Variants in CEP85L observed in about 807,000 individuals in gnomAD.
CEP85L encodes centrosomal protein 85L, also known as centrosomal protein of 85 kDa-like.
Under a neutral mutation model 100.3 loss-of-function variants are expected in CEP85L, and 60 were observed. That is an observed-to-expected ratio of 0.60 (90% CI 0.49 to 0.74). CEP85L has a LOEUF of 0.74. CEP85L is among the 30% of genes least tolerant of loss of function. The probability of loss-of-function intolerance (pLI) is 0.00; values close to 1 mark genes in which losing one functional copy is unlikely to be tolerated. For missense variants in CEP85L, 973 were observed against 936.2 expected (o/e 1.04, Z -0.51); for synonymous variants, 319 against 322.7 (o/e 0.99, Z 0.12).
chr6:118,646,232 A>G, intron 1 of CEP85L, among the ~76,000 whole-genome samples: 1 of 75,856 alleles, frequency 1.3e-5, no homozygotes, highest in South Asian at 8.5e-4. Flanking sequence ...AAAGAAAAGA[A>G]AAGTAATTTG....
intron 1 of CEP85L, among the ~76,000 whole-genome samples, chr6:118,677,362 C>T (rs759513811): frequency 3.3e-5 from 5 of 152,128 alleles, no homozygotes; most frequent in Non-Finnish European, 7.4e-5. Context: ...GCTGTACAAG[C>T]AGTCCTGACA....
At chr6:118,652,276 G>A (rs572660209), upstream of CEP85L, 1 of 439,206 alleles carries the variant, frequency 2.3e-6, no homozygotes, top group Non-Finnish European at 3.0e-6. Flanking sequence ...TTTCCTCCTT[G>A]CCCCCTACTC....
intron 5 of CEP85L, among the ~76,000 whole-genome samples, chr6:118,497,971 TAAC>T (rs957138419): frequency 6.6e-6 from 1 of 152,220 alleles, no homozygotes; most frequent in Non-Finnish European, 1.5e-5. Flanking sequence ...AAATGACTGA[TAAC>T]AATGATACAA....
chr6:118,480,384 G>A lies in CEP85L; in HGVS notation c.1863+12C>T, dbSNP rs1444143066. 3.5e-6 allele frequency: 5 copies of A among 1,435,724 alleles called. No homozygotes were observed. In the African/African-American group the frequency reaches 7.0e-5, roughly 20 times the overall value. 88.9% of individuals were successfully genotyped at this position (1,435,724 alleles called of 1,614,324 possible). On this transcript the variant is annotated intron_variant, in intron 9 of 12. Coordinates refer to ENST00000368491, the MANE Select transcript of CEP85L (RefSeq NM_001042475.3). ...ATAGATTTCACGTTTATGATCTAAG[G>A]TATCTACTGACCTTACTAGCAGTCT...
intron 1 of CEP85L, among the ~76,000 whole-genome samples, chr6:118,638,869 G>A (rs954727449): frequency 1.7e-4 from 26 of 151,922 alleles, no homozygotes; most frequent in African/African-American, 5.6e-4. Context: ...TCTTTTATTG[G>A]AAGCAAAAAT....
At chr6:118,502,527 T>C (rs1775371942) in intron 5 of CEP85L, 5 of 489,548 alleles carry the variant, frequency 1.0e-5, no homozygotes, top group Non-Finnish European at 1.9e-5. Context: ...ACATTTGGAC[T>C]CTAATACTCA....
chr6:118,528,215 CT>C (rs201109993), intron 3 of CEP85L, among the ~76,000 whole-genome samples: 3,745 of 142,836 alleles, frequency 0.026, 133 homozygotes, highest in African/African-American at 0.083. Flanking sequence ...TTTTCTTTTT[CT>C]TTTTTTTTTT....
intron 2 of CEP85L, among the ~76,000 whole-genome samples, chr6:118,602,445 T>C (rs887215215): frequency 2.6e-5 from 4 of 152,196 alleles, no homozygotes; most frequent in Admixed American, 1.3e-4. Flanking sequence ...TGCTAGCTGA[T>C]TGCAATGTGC....
chr6:118,501,859 CT>C, intron 5 of CEP85L: 1 of 1,299,150 alleles, frequency 7.7e-7, no homozygotes, highest in Non-Finnish European at 1.1e-6. Context: ...AAGCACAAGC[CT>C]TCAAGAGTCC....
chr6:118,567,247 GTGTATATATA>G (rs1275432147), intron 2 of CEP85L, among the ~76,000 whole-genome samples: 2 of 31,922 alleles, frequency 6.3e-5, no homozygotes, highest in Non-Finnish European at 1.2e-4. Context: ...GTGTGTGTGT[GTGTATATATA>G]TATATATATA....
chr6:118,668,887 T>G (rs988229651), intron 1 of CEP85L, among the ~76,000 whole-genome samples: 1 of 152,212 alleles, frequency 6.6e-6, no homozygotes, highest in African/African-American at 2.4e-5. Context: ...GTCAGATCAT[T>G]TATTCTCAGA....
At chr6:118,673,398 T>C (rs1046735184) in intron 1 of CEP85L, among the ~76,000 whole-genome samples, 1 of 152,170 alleles carries the variant, frequency 6.6e-6, no homozygotes, top group Middle Eastern at 3.2e-3. Context: ...TACAGGCAAA[T>C]GTGCCATATA....
At chr6:118,494,854 A>C (rs561807486) in intron 5 of CEP85L, among the ~76,000 whole-genome samples, 2 of 152,218 alleles carry the variant, frequency 1.3e-5, no homozygotes, top group Non-Finnish European at 2.9e-5. Context: ...CAGATATGGC[A>C]AGAATGTCAG....
intron 3 of CEP85L, among the ~76,000 whole-genome samples, chr6:118,529,002 T>C (rs1210717905): frequency 2.0e-5 from 3 of 152,110 alleles, no homozygotes; most frequent in African/African-American, 7.2e-5. Context: ...TAAAAGAAAA[T>C]CTGATAGAAA....
At chr6:118,556,485 T>C (rs943202012) in intron 3 of CEP85L, among the ~76,000 whole-genome samples, 7 of 152,104 alleles carry the variant, frequency 4.6e-5, no homozygotes, top group Admixed American at 6.6e-5. Context: ...CCATAAACCA[T>C]ATGGTTTCTT....
At chr6:118,661,762 G>A (rs1775980570) in intron 1 of CEP85L, among the ~76,000 whole-genome samples, 1 of 152,108 alleles carries the variant, frequency 6.6e-6, no homozygotes. Context: ...TTTTGATATA[G>A]AATATTCAGG....
chr6:118,674,757 G>A (rs1037724880), intron 1 of CEP85L, among the ~76,000 whole-genome samples: 1 of 152,240 alleles, frequency 6.6e-6, no homozygotes, highest in African/African-American at 2.4e-5. Flanking sequence ...TAACCATAAT[G>A]AGACACCATG....
At chr6:118,526,745 A>G (rs752998569) in intron 3 of CEP85L, among the ~76,000 whole-genome samples, 3 of 152,256 alleles carry the variant, frequency 2.0e-5, no homozygotes, top group Non-Finnish European at 2.9e-5. Context: ...ATCATAATAC[A>G]TTAGAATACT....
intron 1 of CEP85L, 94 bp from the exon 2 acceptor site, chr6:118,632,705 G>A: frequency 2.2e-6 from 2 of 904,936 alleles, no homozygotes; most frequent in Non-Finnish European, 3.2e-6. Context: ...GGGTATAAAA[G>A]GTATAAAAGG....
Sources: gnomAD v4.1 joint callset for allele counts (sites outside exome capture counted in the v4.1 genomes callset) on GRCh38, gnomAD v4.1.1 for gene constraint, MANE v1.5 for transcripts, NCBI Gene and HGNC (gene_info 2026-07-23, HGNC 2026-07-21) for gene names.